TNFRSF10B: variants seen among roughly 807,000 people sequenced by gnomAD.
The protein encoded by TNFRSF10B is tumor necrosis factor receptor superfamily member 10B.
A neutral mutation model predicts 41.4 loss-of-function variants in TNFRSF10B; 35 were observed. The ratio of observed to expected loss-of-function variants is 0.85; its 90% CI spans 0.65 to 1.12. The LOEUF (loss-of-function observed/expected upper bound fraction) is 1.12. TNFRSF10B is among the 50% of genes most tolerant of loss of function. The pLI, the probability that TNFRSF10B is intolerant of heterozygous loss-of-function variation, is 0.00. For synonymous variants in TNFRSF10B, 230 were observed against 215.5 expected (o/e 1.07, Z -0.59); for missense variants, 584 against 552.7 (o/e 1.06, Z -0.57).
intron 4 of TNFRSF10B, 86 bp from the exon 5 acceptor site, chr8:23,028,688 G>T: frequency 2.6e-6 from 4 of 1,529,092 alleles, no homozygotes; most frequent in Non-Finnish European, 3.6e-6. Flanking sequence ...TCCCTCCCCA[G>T]TGTCCCTGAG....
At chr8:23,067,832 A>G (rs1813038429) in intron 1 of TNFRSF10B, among the ~76,000 whole-genome samples, 1 of 152,056 alleles carries the variant, frequency 6.6e-6, no homozygotes, top group South Asian at 2.1e-4. Flanking sequence ...CCCTCTGTAC[A>G]GTCTTGAGTT....
At chr8:23,031,065 CACATTT>C (rs1811869134) in intron 2 of TNFRSF10B, among the ~76,000 whole-genome samples, 193 bp from the exon 3 acceptor site, 1 of 152,126 alleles carries the variant, frequency 6.6e-6, no homozygotes, top group Non-Finnish European at 1.5e-5. Context: ...ATATAAGCCA[CACATTT>C]ATTTATTTTA....
chr8:23,043,021 G>A (rs1812251609), intron 2 of TNFRSF10B, 117 bp downstream of exon 2: 2 of 908,458 alleles, frequency 2.2e-6, no homozygotes, highest in Non-Finnish European at 3.5e-6. Context: ...CCTTGAACTG[G>A]AGGCACCCAA....
At chr8:23,026,862 C>A (rs1217914075) in intron 7 of TNFRSF10B, among the ~76,000 whole-genome samples, 1 of 152,232 alleles carries the variant, frequency 6.6e-6, no homozygotes, top group Non-Finnish European at 1.5e-5. Context: ...CTTATTCACT[C>A]ATCAATGAAC....
chr8:23,039,531 CTTGA>C (rs1196059470), intron 2 of TNFRSF10B, among the ~76,000 whole-genome samples: 4 of 152,148 alleles, frequency 2.6e-5, no homozygotes, highest in African/African-American at 9.7e-5. Context: ...GGGTAATCTG[CTTGA>C]CTCAAAGCCC....
chr8:23,058,316 T>A (rs1168674562), intron 1 of TNFRSF10B, among the ~76,000 whole-genome samples: 2 of 152,220 alleles, frequency 1.3e-5, no homozygotes, highest in African/African-American at 4.8e-5. Context: ...TAACCATATC[T>A]ACCTTTGAGT....
At chr8:23,023,042 A>G in intron 8 of TNFRSF10B, 58 bp from the exon 9 acceptor site, 5 of 1,589,076 alleles carry the variant, frequency 3.1e-6, no homozygotes, top group Non-Finnish European at 4.3e-6. Flanking sequence ...AGGGCAGAGG[A>G]TTCCACATCA....
intron 2 of TNFRSF10B, among the ~76,000 whole-genome samples, chr8:23,035,224 C>A (rs2128813360): frequency 6.6e-6 from 1 of 152,204 alleles, no homozygotes; most frequent in East Asian, 1.9e-4. Context: ...TCACTGCAAC[C>A]TGCACCTCCT....
At chr8:23,060,256 G>C (rs974189964) in intron 1 of TNFRSF10B, among the ~76,000 whole-genome samples, 3 of 152,138 alleles carry the variant, frequency 2.0e-5, no homozygotes, top group African/African-American at 7.2e-5. Flanking sequence ...TTTCTTTCAA[G>C]AGTTCTATAG....
At chr8:23,043,460 C>A (rs1213681407) in intron 1 of TNFRSF10B, among the ~76,000 whole-genome samples, 1 of 152,194 alleles carries the variant, frequency 6.6e-6, no homozygotes, top group Admixed American at 6.5e-5. Flanking sequence ...TAAACATGTT[C>A]ATTCCAGAAA....
intron 8 of TNFRSF10B, among the ~76,000 whole-genome samples, chr8:23,023,738 A>G (rs1380887352): frequency 1.3e-5 from 2 of 152,334 alleles, no homozygotes; most frequent in South Asian, 2.1e-4. Flanking sequence ...TCAATATACA[A>G]AAATTATGAG....
Position 23,028,599 on chromosome 8 carries a change from A to G in TNFRSF10B, c.480T>C (p.Cys160=), listed in dbSNP as rs571728596. 6.2e-7 allele frequency: 1 copy of G among 1,613,986 alleles called. No individual in the cohort carries two copies. The highest frequency in any genetic ancestry group is 1.3e-5 in the African/African-American group (1 of 75,000). Residue 160 remains cysteine, a synonymous_variant, in exon 5 of 9, where the codon TGT becomes TGC. Coordinates refer to ENST00000276431, the MANE Select transcript of TNFRSF10B (RefSeq NM_003842.5). ...CACCGACCTTGACCATCCCTCTGGGACACCTGGGTACACACACAGAGGGAG... is the reference window on the plus strand; with the variant it reads ...CACCGACCTTGACCATCCCTCTGGGGCACCTGGGTACACACACAGAGGGAG... The part of the protein sequence containing the change: ...PEMCRKCRTG[C]PRGMVKVGDC...
At chr8:23,027,317 G>A (rs1356785792) in intron 6 of TNFRSF10B, 29 bp from the exon 7 acceptor site, 2 of 1,613,610 alleles carry the variant, frequency 1.2e-6, no homozygotes, top group South Asian at 2.2e-5. Context: ...AAGGCAAAAA[G>A]CCGACTCAGG....
At chr8:23,065,052 G>C (rs1410128714) in intron 1 of TNFRSF10B, among the ~76,000 whole-genome samples, 1 of 152,188 alleles carries the variant, frequency 6.6e-6, no homozygotes, top group East Asian at 1.9e-4. Flanking sequence ...GGTGACAGTG[G>C]TGGGACCTCA....
chr8:23,020,627 GGTTGCACTGAGCCAAGATCGTACC>G lies in TNFRSF10B; in HGVS notation c.*2020_*2043del, dbSNP rs1289206471. 10 of 453,382 alleles carry G rather than the reference GGTTGCACTGAGCCAAGATCGTACC, an allele frequency of 2.2e-5. No homozygotes were observed. The highest frequency in any genetic ancestry group is 1.8e-4 in the African/African-American group (9 of 49,974). 28.1% of individuals were successfully genotyped at this position (453,382 alleles called of 1,614,324 possible). On this transcript the variant is annotated 3_prime_UTR_variant, in exon 9 of 9. Coordinates refer to ENST00000276431, the MANE Select transcript of TNFRSF10B (RefSeq NM_003842.5). Reference sequence around the variant, plus strand: ...GAATCGCTTGAACCCAGGAGGCGGAGGTTGCACTGAGCCAAGATCGTACCGTTGCACTCCAGCCTGGGCGAGAGA... The same window carrying G: ...GAATCGCTTGAACCCAGGAGGCGGAGGTTGCACTCCAGCCTGGGCGAGAGA...
intron 2 of TNFRSF10B, among the ~76,000 whole-genome samples, chr8:23,035,489 CG>C (rs1446552211): frequency 6.6e-6 from 1 of 152,084 alleles, no homozygotes; most frequent in Non-Finnish European, 1.5e-5. Flanking sequence ...ACACACAAGA[CG>C]ATCCATTATA....
intron 2 of TNFRSF10B, among the ~76,000 whole-genome samples, chr8:23,038,833 T>G (rs1454422154): frequency 6.6e-6 from 1 of 152,086 alleles, no homozygotes; most frequent in Non-Finnish European, 1.5e-5. Flanking sequence ...GTCTCCAACA[T>G]TTTTGCCACC....
At chr8:23,030,958 G>T (rs541783446) in intron 2 of TNFRSF10B, 86 bp from the exon 3 acceptor site, 2 of 927,856 alleles carry the variant, frequency 2.2e-6, no homozygotes, top group East Asian at 2.6e-5. Context: ...CCTCTTTCAG[G>T]GATGTGTGGA....
At position 23,020,935 on chromosome 8, in the gene TNFRSF10B, G is replaced by C. The variant is rs1337484893; in HGVS notation, c.*1736C>G. On this transcript the variant is annotated 3_prime_UTR_variant, in exon 9 of 9. Transcript: ENST00000276431. ...TGGGATGCCAGATGGAAGTGGGAGA[G>C]GATGGAAGTGCAAAGACCAGAAAGG... The C allele has an allele frequency of 2.2e-6, 1 of 453,962 alleles. No homozygotes were observed. The highest frequency in any genetic ancestry group is 4.4e-6 in the Non-Finnish European group (1 of 226,798). 28.1% of individuals were successfully genotyped at this position (453,962 alleles called of 1,614,324 possible).
Sources: allele counts gnomAD v4.1 joint callset (sites outside exome capture counted in the v4.1 genomes callset), GRCh38; gene constraint gnomAD v4.1.1; transcripts MANE v1.5; gene names NCBI Gene and HGNC (gene_info 2026-07-23, HGNC 2026-07-21).